DEUP1: variants seen among roughly 807,000 people sequenced by gnomAD.
The protein encoded by DEUP1 is deuterosome assembly protein 1, also known as coiled-coil domain containing 67.
DEUP1 carries 82 observed loss-of-function variants against 87.4 expected under a neutral mutation model. The observed-to-expected ratio is 0.94, with a 90% confidence interval of 0.78 to 1.13. The LOEUF (loss-of-function observed/expected upper bound fraction) is 1.13. Ranked by LOEUF, DEUP1 falls within the 50% of genes most tolerant of loss-of-function variation. DEUP1 has a pLI of 0.00. For synonymous variants in DEUP1, 214 were observed against 222.7 expected (o/e 0.96, Z 0.35); for missense variants, 663 against 681.5 (o/e 0.97, Z 0.30).
chr11:93,367,443 T>A (rs1234864959), intron 5 of DEUP1, among the ~76,000 whole-genome samples: 1 of 152,198 alleles, frequency 6.6e-6, no homozygotes, highest in East Asian at 1.9e-4. Context: ...CCACTCTGAC[T>A]ATAATGAACT....
intron 8 of DEUP1, among the ~76,000 whole-genome samples, chr11:93,387,314 A>C (rs1946608887): frequency 6.6e-6 from 1 of 152,108 alleles, no homozygotes; most frequent in African/African-American, 2.4e-5. Flanking sequence ...GCTTCTTTGT[A>C]GTTGTATCAA....
intron 2 of DEUP1, among the ~76,000 whole-genome samples, chr11:93,332,584 A>G (rs1943546288): frequency 6.6e-6 from 1 of 152,164 alleles, no homozygotes; most frequent in African/African-American, 2.4e-5. Context: ...TGTTACCACA[A>G]TGCAACCTTT....
chr11:93,435,848 T>C (rs1018986488), intron 13 of DEUP1, among the ~76,000 whole-genome samples: 29 of 152,028 alleles, frequency 1.9e-4, no homozygotes, highest in Middle Eastern at 3.4e-3. Context: ...TACAAAAAAT[T>C]AGCCGGGAGT....
chr11:93,433,800 G>A (rs987247795), intron 13 of DEUP1, among the ~76,000 whole-genome samples: 3 of 152,186 alleles, frequency 2.0e-5, no homozygotes, highest in Non-Finnish European at 4.4e-5. Context: ...GATGTGGTCT[G>A]AGCTACAAAC....
At chr11:93,429,314 A>G (rs1948032269) in intron 13 of DEUP1, among the ~76,000 whole-genome samples, 1 of 152,184 alleles carries the variant, frequency 6.6e-6, no homozygotes, top group African/African-American at 2.4e-5. Context: ...ATACATACCA[A>G]TAATGTAAAC....
At chr11:93,334,529 A>C (rs1420879206) in intron 2 of DEUP1, among the ~76,000 whole-genome samples, 6 of 152,128 alleles carry the variant, frequency 3.9e-5, no homozygotes, top group African/African-American at 1.2e-4. Flanking sequence ...GGAAAAATAG[A>C]GAGTGTGAAT....
intron 7 of DEUP1, among the ~76,000 whole-genome samples, chr11:93,374,172 C>T (rs1945914930): frequency 6.6e-6 from 1 of 151,982 alleles, no homozygotes; most frequent in African/African-American, 2.4e-5. Context: ...CCTTATCAAT[C>T]CTGGATATTA....
At chr11:93,405,598 G>T (rs116095933) in intron 11 of DEUP1, among the ~76,000 whole-genome samples, 47 of 151,936 alleles carry the variant, frequency 3.1e-4, no homozygotes, top group African/African-American at 1.1e-3. Flanking sequence ...GGTAGTAAGC[G>T]GAAAATGTAG....
chr11:93,415,311 G>T (rs1490997350), intron 13 of DEUP1, 197 bp downstream of exon 13: 3 of 324,430 alleles, frequency 9.2e-6, no homozygotes, highest in Non-Finnish European at 1.7e-5. Flanking sequence ...ATTTCCTAAA[G>T]TGTTTCAGTC....
intron 2 of DEUP1, among the ~76,000 whole-genome samples, chr11:93,341,506 T>G (rs907915715): frequency 1.3e-5 from 2 of 152,136 alleles, no homozygotes; most frequent in South Asian, 4.1e-4. Context: ...CAGGCAGGTA[T>G]GGGGAGATAC....
intron 8 of DEUP1, among the ~76,000 whole-genome samples, chr11:93,388,386 C>G (rs1036603814): frequency 2.0e-5 from 3 of 152,124 alleles, no homozygotes; most frequent in African/African-American, 7.2e-5. Flanking sequence ...ATTTTTATTT[C>G]ACTGGTTTGT....
intron 11 of DEUP1, among the ~76,000 whole-genome samples, chr11:93,397,259 C>T (rs1946972598): frequency 6.6e-6 from 1 of 152,074 alleles, no homozygotes; most frequent in Admixed American, 6.6e-5. Flanking sequence ...CATATTCTAG[C>T]ATCAAAAGAG....
At chr11:93,352,854 G>C (rs1316811882) in intron 2 of DEUP1, among the ~76,000 whole-genome samples, 2 of 152,080 alleles carry the variant, frequency 1.3e-5, no homozygotes, top group Non-Finnish European at 2.9e-5. Context: ...CCCCACCCCA[G>C]GTCTCTTCCA....
chr11:93,344,141 T>C (rs1407951216), intron 2 of DEUP1, among the ~76,000 whole-genome samples: 1 of 152,178 alleles, frequency 6.6e-6, no homozygotes, highest in Non-Finnish European at 1.5e-5. Flanking sequence ...TTTAGTGTTT[T>C]AGAACAGACA....
intron 7 of DEUP1, among the ~76,000 whole-genome samples, chr11:93,371,793 T>C (rs573019196): frequency 5.2e-4 from 79 of 152,364 alleles, no homozygotes; most frequent in African/African-American, 1.8e-3. Flanking sequence ...ATATGATTGA[T>C]GGTTTAACAA....
rs181700014 is a variant in DEUP1 at position 93,385,989 on chromosome 11, G to A, written c.935+446G>A. On this transcript the variant is annotated intron_variant, in intron 8 of 13. Coordinates refer to ENST00000298050, the MANE Select transcript of DEUP1 (RefSeq NM_181645.4). ...GGTCGCTTGAGCCTGGAAGGTCAAGGTTGCAGTGAGCTGTGATCGTGCCAC... is the reference window on the plus strand; with the variant it reads ...GGTCGCTTGAGCCTGGAAGGTCAAGATTGCAGTGAGCTGTGATCGTGCCAC... Among the ~76,000 whole-genome samples, 349 of 151,972 alleles carry A rather than the reference G, an allele frequency of 2.3e-3. 7 individuals carry two copies. The highest frequency in any genetic ancestry group is 0.017 in the Middle Eastern group (5 of 294).
At chr11:93,403,211 G>T (rs1237969433) in intron 11 of DEUP1, among the ~76,000 whole-genome samples, 1 of 151,732 alleles carries the variant, frequency 6.6e-6, no homozygotes, top group Non-Finnish European at 1.5e-5. Flanking sequence ...TTGTTTTAAG[G>T]TTATACTATA....
intron 13 of DEUP1, among the ~76,000 whole-genome samples, chr11:93,417,670 T>G (rs10765610): frequency 0.84 from 121,485 of 145,220 alleles, 51,045 homozygotes; most frequent in East Asian, 0.91. Flanking sequence ...CACAGAATTG[T>G]AAAAAACTAC....
At chr11:93,413,153 G>T (rs1441053660) in intron 12 of DEUP1, among the ~76,000 whole-genome samples, 2 of 151,984 alleles carry the variant, frequency 1.3e-5, no homozygotes, top group African/African-American at 4.8e-5. Flanking sequence ...TTTGAAAAGG[G>T]CTAATCAATA....
Sources: allele counts gnomAD v4.1 joint callset (sites outside exome capture counted in the v4.1 genomes callset), GRCh38; gene constraint gnomAD v4.1.1; transcripts MANE v1.5; gene names NCBI Gene and HGNC (gene_info 2026-07-23, HGNC 2026-07-21).